Variants in FXYD6 observed in about 807,000 individuals in gnomAD.
The protein encoded by FXYD6 is FXYD domain containing ion transport regulator 6.
A neutral mutation model predicts 16.7 loss-of-function variants in FXYD6; 7 were observed. The observed-to-expected ratio is 0.42, with a 90% CI of 0.24 to 0.79. FXYD6 has a LOEUF of 0.79. Among genes scored for constraint, FXYD6 ranks in the 30% least tolerant of loss-of-function variants. FXYD6 has a pLI of 0.28. For synonymous variants in FXYD6, 49 were observed against 43.0 expected (o/e 1.14, Z -0.54); for missense variants, 111 against 116.2 (o/e 0.95, Z 0.21).
intron 1 of FXYD6, among the ~76,000 whole-genome samples, chr11:117,862,409 A>G (rs1426649440): frequency 6.6e-6 from 1 of 152,218 alleles, no homozygotes; most frequent in African/African-American, 2.4e-5. Flanking sequence ...AAGCAGAGAC[A>G]GGAAAATGCA....
chr11:117,861,472 C>T (rs928889049), intron 1 of FXYD6, among the ~76,000 whole-genome samples: 2 of 152,202 alleles, frequency 1.3e-5, no homozygotes, highest in African/African-American at 4.8e-5. Flanking sequence ...CCGAGTCTGG[C>T]TCTGTAAACT....
At chr11:117,844,156 G>A (rs1958212162) in intron 1 of FXYD6, 1 of 152,482 alleles carries the variant, frequency 6.6e-6, no homozygotes, top group Admixed American at 6.5e-5. Context: ...TTCACCTCTC[G>A]GCCACCAGGG....
In FXYD6 at chr11:117,870,463, G is replaced by T. The variant is rs1408966479; in HGVS notation, c.-6+6129C>A. 6.6e-6 allele frequency among the ~76,000 whole-genome samples: 1 copy of T among 152,198 alleles called. No homozygotes were observed. The highest frequency in any genetic ancestry group is 2.4e-5 in the African/African-American group (1 of 41,454). On this transcript the variant is annotated intron_variant, in intron 1 of 7. Coordinates refer to ENST00000526014, the MANE Select transcript of FXYD6 (RefSeq NM_022003.4). The surrounding 1 kb of genome is among the most constrained non-coding windows in gnomAD (Gnocchi z 4.2). ...GCAGACACAGAAACCCAGAGCAGCT[G>T]CCAGGGCCAGGAACCCAGAAGCCAG...
At chr11:117,839,374 G>A (rs1487833539) in intron 7 of FXYD6, 2 of 209,972 alleles carry the variant, frequency 9.5e-6, no homozygotes, top group Admixed American at 1.1e-4. Flanking sequence ...TTAGGGTTGG[G>A]AAGTTTCATA....
At chr11:117,864,532 T>C (rs1029605636) in intron 1 of FXYD6, among the ~76,000 whole-genome samples, 5 of 152,134 alleles carry the variant, frequency 3.3e-5, no homozygotes, top group African/African-American at 4.8e-5. Flanking sequence ...GATATGGCAA[T>C]GGTTTCTTGA....
Position 117,853,816 on chromosome 11 carries a change from T to G in FXYD6, c.-5-11035A>C, listed in dbSNP as rs571523858. ...CCCAGTTATCTCATGGGGTTTTTGT[T>G]TTGTTTTGTCTTTTTGGTAGTGTTT... On this transcript the variant is annotated intron_variant, in intron 1 of 7. Coordinates refer to ENST00000526014, the MANE Select transcript of FXYD6 (RefSeq NM_022003.4). Among the ~76,000 whole-genome samples the G allele has an allele frequency of 3.5e-3, 535 of 152,156 alleles. 5 individuals are homozygous for G. The highest frequency in any genetic ancestry group is 0.014 in the South Asian group (69 of 4,802).
At chr11:117,876,067 C>A (rs1346931363) in intron 1 of FXYD6, among the ~76,000 whole-genome samples, 2 of 152,114 alleles carry the variant, frequency 1.3e-5, no homozygotes, top group Non-Finnish European at 2.9e-5. Flanking sequence ...ATCCTTCTTT[C>A]CCTGCGCCCC....
At chr11:117,839,580 T>C (rs144425764) in intron 7 of FXYD6, 15,979 of 588,360 alleles carry the variant, frequency 0.027, 276 homozygotes, top group Middle Eastern at 0.045. Context: ...CATGCATGTG[T>C]GTGGGACACT....
intron 1 of FXYD6, among the ~76,000 whole-genome samples, chr11:117,869,676 G>C (rs1023317199): frequency 7.2e-5 from 11 of 151,728 alleles, no homozygotes; most frequent in African/African-American, 2.7e-4. Context: ...GGAAAAAGAA[G>C]AAGAAGAAGA....
chr11:117,868,278 C>T (rs1490641297), intron 1 of FXYD6, among the ~76,000 whole-genome samples: 1 of 152,122 alleles, frequency 6.6e-6, no homozygotes, highest in African/African-American at 2.4e-5. Flanking sequence ...TGAAACTGTG[C>T]TGCGTGGGGG....
Position 117,870,318 on chromosome 11 carries a change from GGCCCCAGCAGGCTGCAC to G in FXYD6, c.-6+6257_-6+6273del, listed in dbSNP as rs905717196. ...GTATTGCACAGAAGCCACAGGCTGG[GGCCCCAGCAGGCTGCAC>G]GCCCCAGCAGGGCGTGATGGAGTCA... On this transcript the variant is annotated intron_variant, in intron 1 of 7. Coordinates refer to ENST00000526014, the MANE Select transcript of FXYD6 (RefSeq NM_022003.4). This position sits in a 1 kb window ranked among gnomAD's most constrained non-coding sequence, Gnocchi z 4.2. Among the ~76,000 whole-genome samples, 39 of 152,314 alleles carry G rather than the reference GGCCCCAGCAGGCTGCAC, an allele frequency of 2.6e-4. No individual in the cohort carries two copies. The Middle Eastern group carries it at 0.01, about 40-fold the overall frequency.
chr11:117,871,586 T>C (rs1468824558), intron 1 of FXYD6, among the ~76,000 whole-genome samples: 1 of 152,200 alleles, frequency 6.6e-6, no homozygotes, highest in Admixed American at 6.5e-5. Flanking sequence ...TTATTGGGAA[T>C]ATGGAATAAT....
chr11:117,839,402 A>G, intron 7 of FXYD6: 1 of 251,508 alleles, frequency 4.0e-6, no homozygotes, highest in South Asian at 1.4e-4. Context: ...GTTTAAAAAA[A>G]CAAGTGGCCC....
chr11:117,841,261 G>A, intron 4 of FXYD6, 77 bp from the exon 5 acceptor site: 1 of 1,604,006 alleles, frequency 6.2e-7, no homozygotes, highest in Non-Finnish European at 8.5e-7. Context: ...GCAGGTTGTG[G>A]GACTATGTAA....
chr11:117,854,850 G>A (rs1424135333), intron 1 of FXYD6, among the ~76,000 whole-genome samples: 3 of 152,206 alleles, frequency 2.0e-5, no homozygotes, highest in African/African-American at 7.2e-5. Flanking sequence ...GGGAAACAGA[G>A]AGTAGGAACA....
At chr11:117,846,486 A>C (rs1255442532) in intron 1 of FXYD6, among the ~76,000 whole-genome samples, 1 of 151,694 alleles carries the variant, frequency 6.6e-6, no homozygotes, top group African/African-American at 2.4e-5. Flanking sequence ...TCATCTAAAA[A>C]CCCCAAGGTT....
At chr11:117,873,425 C>T (rs2057182462) in intron 1 of FXYD6, among the ~76,000 whole-genome samples, 1 of 152,216 alleles carries the variant, frequency 6.6e-6, no homozygotes, top group Non-Finnish European at 1.5e-5. Context: ...TGCTGAAGAG[C>T]AGTCCAAGCC....
intron 1 of FXYD6, among the ~76,000 whole-genome samples, chr11:117,861,912 A>G (rs1565326408): frequency 1.3e-5 from 2 of 152,252 alleles, no homozygotes. Flanking sequence ...TATGTCATCC[A>G]GAGCTGCAGA....
chr11:117,844,704 C>T (rs927824974), intron 1 of FXYD6, among the ~76,000 whole-genome samples: 1 of 152,148 alleles, frequency 6.6e-6, no homozygotes, highest in African/African-American at 2.4e-5. Flanking sequence ...CCATGTTGGT[C>T]AGGCTCAAAC....
Sources: gnomAD v4.1 joint callset for allele counts (sites outside exome capture counted in the v4.1 genomes callset) on GRCh38, gnomAD v4.1.1 for gene constraint, Gnocchi (gnomAD v3.1) non-coding constraint, MANE v1.5 for transcripts, NCBI Gene and HGNC (gene_info 2026-07-23, HGNC 2026-07-21) for gene names.